CELSR1: variants seen among roughly 807,000 people sequenced by gnomAD.
CELSR1 encodes the protein adhesion G protein-coupled receptor C1.
In CELSR1, 110 loss-of-function variants were observed where a neutral mutation model predicts 249.1. The ratio of observed to expected loss-of-function variants is 0.44; its 90% CI spans 0.38 to 0.52. CELSR1 has a LOEUF of 0.52. CELSR1 is among the 20% of genes least tolerant of loss of function. The probability of loss-of-function intolerance (pLI) is 0.00; values close to 1 mark genes in which losing one functional copy is unlikely to be tolerated. For missense variants in CELSR1, 4,109 were observed against 4,296.4 expected (o/e 0.96, Z 1.22); for synonymous variants, 2,113 against 1,900.0 (o/e 1.11, Z -2.92).
chr22:46,443,360 C>T (rs970493586), intron 2 of CELSR1, among the ~76,000 whole-genome samples: 1 of 152,200 alleles, frequency 6.6e-6, no homozygotes, highest in Non-Finnish European at 1.5e-5. Context: ...CTGTTCTGCA[C>T]TGGCAGGGGC....
intron 3 of CELSR1, 68 bp downstream of exon 3, chr22:46,439,121 G>A (rs372018157): frequency 1.4e-5 from 19 of 1,397,214 alleles, no homozygotes; most frequent in East Asian, 4.6e-5. Context: ...TAGAGGGATG[G>A]GGTGCACGGA....
At position 46,535,273 on chromosome 22, in the gene CELSR1, T is replaced by C. The variant is rs1169801268; in HGVS notation, c.1898A>G (p.His633Arg). The change falls in exon 1 of 35, where the codon CAC (histidine) becomes CGC (arginine). Residue 633 changes from histidine (H) to arginine (R), a missense_variant. Physicochemically the swap from His to Arg is conservative, Grantham distance 29 (BLOSUM62 0). Transcript: ENST00000674500. The part of the protein sequence containing the change: ...APTPDFPFQI[H>R]NSSGWITVCA... ...CACTGTGATCCAACCGGAGCTGTTG[T>C]GGATCTGGAAGGGGAAGTCAGGGGT... The C allele has an allele frequency of 6.8e-6, 11 of 1,610,564 alleles. No homozygotes were observed. Among genetic ancestry groups the C allele is most frequent in the Admixed American group, 3.3e-5 (2 of 59,998 alleles).
At chr22:46,525,375 G>A (rs1040870651) in intron 1 of CELSR1, among the ~76,000 whole-genome samples, 1 of 151,850 alleles carries the variant, frequency 6.6e-6, no homozygotes, top group Non-Finnish European at 1.5e-5. Context: ...CTTGAACCCA[G>A]GGGACAGAGG....
At chr22:46,369,593 GCTGCT>G in intron 26 of CELSR1, 94 bp downstream of exon 26, 1 of 1,099,242 alleles carries the variant, frequency 9.1e-7, no homozygotes, top group Non-Finnish European at 1.3e-6. Flanking sequence ...CCCCCCGTCG[GCTGCT>G]CAGAGGAGTT....
In CELSR1 at chr22:46,484,340, G is replaced by A. The variant is rs2080294589; in HGVS notation, c.3545-19995C>T. Among the ~76,000 whole-genome samples, 7 of 152,172 alleles carry A rather than the reference G, an allele frequency of 4.6e-5. No homozygotes were observed. The South Asian group carries it at 1.4e-3, about 32-fold the overall frequency. On this transcript the variant is annotated intron_variant, in intron 1 of 34. Transcript: ENST00000674500. The surrounding 1 kb of genome is among the most constrained non-coding windows in gnomAD (Gnocchi z 4.5). ...CCACCAGCCCAGCCCAGCCCATGGT[G>A]GCAGCTGCCTCGGGCCCAGCCCTCC...
Position 46,412,238 on chromosome 22 carries a change from CGCGCCTTG to C in CELSR1, c.4612-487_4612-480del, listed in dbSNP as rs1302743452. Among the ~76,000 whole-genome samples, 6 of 152,160 alleles carry C rather than the reference CGCGCCTTG, an allele frequency of 3.9e-5. No individual in the cohort carries two copies. The highest frequency in any genetic ancestry group is 8.8e-5 in the Non-Finnish European group (6 of 68,028). On this transcript the variant is annotated intron_variant, in intron 5 of 34. Transcript: ENST00000674500. This position sits in a 1 kb window ranked among gnomAD's most constrained non-coding sequence, Gnocchi z 4.5. The stretch of plus-strand genomic sequence containing the variant: ...CCTTCGGAGGAGGCACGGCCCTACC[CGCGCCTTG>C]ACTTCTAGGCACCAGACTGAGAGAG...
At chr22:46,385,171 T>G (rs758701577) in intron 19 of CELSR1, among the ~76,000 whole-genome samples, 1 of 152,208 alleles carries the variant, frequency 6.6e-6, no homozygotes, top group African/African-American at 2.4e-5. Flanking sequence ...CTCAGCTCAC[T>G]GTAGCCTCGT....
At chr22:46,525,537 C>T (rs1256910285) in intron 1 of CELSR1, among the ~76,000 whole-genome samples, 1 of 152,098 alleles carries the variant, frequency 6.6e-6, no homozygotes, top group Non-Finnish European at 1.5e-5. Context: ...TTATATGAAC[C>T]CGTGTGTTCA....
rs10222303 is a variant in CELSR1, at chr22:46,428,373, G to A, written c.4611+5020C>T. 0.025 allele frequency among the ~76,000 whole-genome samples: 3,795 copies of A among 152,266 alleles called. 146 individuals are homozygous for A. The highest frequency in any genetic ancestry group is 0.085 in the African/African-American group (3,521 of 41,550). ...TCGCGACCAGCACAGCATCGTCCCC[G>A]GCCAGGTGACGGATGCCGAGTGCCC... On this transcript the variant is annotated intron_variant, in intron 5 of 34. Transcript: ENST00000674500. This position sits in a 1 kb window ranked among gnomAD's most constrained non-coding sequence, Gnocchi z 5.7.
chr22:46,536,015 C>T lies in CELSR1; in HGVS notation c.1156G>A (p.Ala386Thr). ...RASDRDSPIN[A>T]NLRYRVLGGA... ...CCCAACACGCGGTAACGCAAGTTGGCGTTGATGGGCGAGTCGCGGTCGCTG... is the reference window on the plus strand; with the variant it reads ...CCCAACACGCGGTAACGCAAGTTGGTGTTGATGGGCGAGTCGCGGTCGCTG... The change falls in exon 1 of 35, where the codon GCC becomes ACC. Residue 386 changes from alanine (A) to threonine (T), a missense_variant. By Grantham distance (58) the Ala-to-Thr change is moderately conservative (BLOSUM62 0). Coordinates refer to ENST00000674500, the MANE Select transcript of CELSR1 (RefSeq NM_001378328.1). The T allele has an allele frequency of 1.2e-6, 2 of 1,610,544 alleles. No homozygotes were observed. Among genetic ancestry groups the T allele is most frequent in the Non-Finnish European group, 1.7e-6 (2 of 1,179,906 alleles).
rs1297102917 is a variant in CELSR1, at chr22:46,500,067, C to T, written c.3544+33560G>A. On this transcript the variant is annotated intron_variant, in intron 1 of 34. Transcript: ENST00000674500. This position sits in a 1 kb window ranked among gnomAD's most constrained non-coding sequence, Gnocchi z 4.9. ...CCAAACGGGTTGTTTTCTGTGAGTC[C>T]GGACTCTCTGCTCTGATCCCACCCC... Among the ~76,000 whole-genome samples, 5 of 150,340 alleles carry T rather than the reference C, an allele frequency of 3.3e-5. No individual in the cohort carries two copies. Among genetic ancestry groups the T allele is most frequent in the African/African-American group, 1.0e-4 (4 of 39,942 alleles).
chr22:46,400,142 C>G (rs535779176), intron 9 of CELSR1, among the ~76,000 whole-genome samples: 55 of 152,038 alleles, frequency 3.6e-4, no homozygotes, highest in South Asian at 8.3e-4. Context: ...CCAGCCTGGC[C>G]AACATGGTGA....
rs892021120 is a variant in CELSR1 at position 46,440,504 on chromosome 22, G to C, written c.4184-1093C>G. Among the ~76,000 whole-genome samples, 2 of 152,194 alleles carry C rather than the reference G, an allele frequency of 1.3e-5. No individual in the cohort carries two copies. The highest frequency in any genetic ancestry group is 4.8e-5 in the African/African-American group (2 of 41,448). On this transcript the variant is annotated intron_variant, in intron 2 of 34. Coordinates refer to ENST00000674500, the MANE Select transcript of CELSR1 (RefSeq NM_001378328.1). The surrounding 1 kb of genome is among the most constrained non-coding windows in gnomAD (Gnocchi z 4.7). ...GTGAGCCACCGCGCCCGGCCAGTAT[G>C]ATCAATCTTTAAAATATTTTGCATC...
At position 46,464,012 on chromosome 22, in the gene CELSR1, G is replaced by A; in HGVS notation, c.3878C>T (p.Thr1293Ile). The change falls in exon 2 of 35, where the codon ACC becomes ATC. Residue 1293 changes from threonine to isoleucine, a missense_variant. Physicochemically the swap from Thr to Ile is moderately conservative, Grantham distance 89. Transcript: ENST00000674500. The surrounding 1 kb of genome is among the most constrained non-coding windows in gnomAD (Gnocchi z 8.5). ...QIYLNRTLLT[T>I]ISTQRVLPFD... ...GGGCAGCACGCGCTGCGTGGAGATG[G>A]TGGTCAGCAGCGTCCGATTCAGGTA... is the stretch of plus-strand genomic sequence containing the variant. The A allele has an allele frequency of 6.2e-7, 1 of 1,613,872 alleles. No individual in the cohort carries two copies. The highest frequency in any genetic ancestry group is 2.2e-5 in the East Asian group (1 of 44,880).
In CELSR1 at chr22:46,411,735, G is replaced by T; in HGVS notation, c.4636C>A (p.Pro1546Thr). 1.2e-6 allele frequency: 2 copies of T among 1,614,176 alleles called. No individual in the cohort carries two copies. The highest frequency in any genetic ancestry group is 1.7e-6 in the Non-Finnish European group (2 of 1,180,050). ...NKPNIGHLGL[P>T]HGPSGEKMAV... is the part of the protein sequence containing the mutation. Reference sequence around the variant, plus strand: ...ATCTTTTCCCCGGACGGCCCATGGGGCAGGCCCAGGTGGCCAATATTGGGC... The same window carrying T: ...ATCTTTTCCCCGGACGGCCCATGGGTCAGGCCCAGGTGGCCAATATTGGGC... The change falls in exon 6 of 35, where the codon CCC (proline) becomes ACC (threonine). Residue 1546 changes from proline to threonine, a missense_variant. Transcript: ENST00000674500. The surrounding 1 kb of genome is among the most constrained non-coding windows in gnomAD (Gnocchi z 4.2).
chr22:46,407,572 C>A lies in CELSR1; in HGVS notation c.5226+1424G>T, dbSNP rs2007791. Among the ~76,000 whole-genome samples, 24,220 of 151,972 alleles carry A rather than the reference C, an allele frequency of 0.16. 3,074 individuals are homozygous for A. Among genetic ancestry groups the A allele is most frequent in the African/African-American group, 0.35 (14,568 of 41,382 alleles). ...GCTTGAACCTGGGGGGCAGAAGTTG[C>A]AGTGAGCTGAGGTTACGCCGTCGCA... On this transcript the variant is annotated intron_variant, in intron 9 of 34. Coordinates refer to ENST00000674500, the MANE Select transcript of CELSR1 (RefSeq NM_001378328.1). The surrounding 1 kb of genome is among the most constrained non-coding windows in gnomAD (Gnocchi z 4.8).
intron 1 of CELSR1, among the ~76,000 whole-genome samples, chr22:46,477,123 T>C (rs925224219): frequency 2.0e-5 from 3 of 152,172 alleles, no homozygotes; most frequent in Non-Finnish European, 4.4e-5. Flanking sequence ...CTACTTCTCC[T>C]TCCAAGAGCA....
At position 46,408,962 on chromosome 22, in the gene CELSR1, A is replaced by G; in HGVS notation, c.5226+34T>C. Reference sequence around the variant, plus strand: ...GGGTCCCTCCCTCGGGCACCCACCTAGCAGGTGCCTTGGTGGCACGGGGCC... The same window carrying G: ...GGGTCCCTCCCTCGGGCACCCACCTGGCAGGTGCCTTGGTGGCACGGGGCC... On this transcript the variant is annotated intron_variant, in intron 9 of 34. Coordinates refer to ENST00000674500, the MANE Select transcript of CELSR1 (RefSeq NM_001378328.1). This position sits in a 1 kb window ranked among gnomAD's most constrained non-coding sequence, Gnocchi z 4.6. 6.4e-7 allele frequency: 1 copy of G among 1,560,238 alleles called. No homozygotes were observed. Among genetic ancestry groups the G allele is most frequent in the South Asian group, 1.2e-5 (1 of 83,760 alleles).
rs2078969239 is a variant in CELSR1, at chr22:46,380,787, C to T, written c.7256+1G>A. On this transcript the variant is annotated splice_donor_variant, in intron 22 of 34. Coordinates refer to ENST00000674500, the MANE Select transcript of CELSR1 (RefSeq NM_001378328.1). LOFTEE classifies it high-confidence loss of function. The surrounding 1 kb of genome is among the most constrained non-coding windows in gnomAD (Gnocchi z 5.1). ...CATGGGGCTCCTGGCGTCACACTTA[C>T]GCCAGGGAGTGGTTCCAGAACACGC... 4.3e-6 allele frequency: 7 copies of T among 1,611,850 alleles called. No homozygotes were observed. The highest frequency in any genetic ancestry group is 5.9e-6 in the Non-Finnish European group (7 of 1,179,530).
Sources: gnomAD v4.1 joint callset for allele counts (sites outside exome capture counted in the v4.1 genomes callset) on GRCh38, gnomAD v4.1.1 for gene constraint, Gnocchi (gnomAD v3.1) non-coding constraint, MANE v1.5 for transcripts, NCBI Gene and HGNC (gene_info 2026-07-23, HGNC 2026-07-21) for gene names.